Variants in LMBR1 observed in about 807,000 individuals in gnomAD.
The protein encoded by LMBR1 is limb development membrane protein 1.
LMBR1 carries 52 observed loss-of-function variants against 73.9 expected under a neutral mutation model. That is an observed-to-expected ratio of 0.70 (90% CI 0.56 to 0.89). LMBR1 has a LOEUF of 0.89. Among genes scored for constraint, LMBR1 ranks in the 40% least tolerant of loss-of-function variants. The pLI is 0.00. For missense variants in LMBR1, 539 were observed against 579.8 expected, an observed-to-expected ratio of 0.93 and a Z score of 0.72; for synonymous variants, 215 against 209.4, an observed-to-expected ratio of 1.03 and a Z score of -0.23.
intron 1 of LMBR1, among the ~76,000 whole-genome samples, chr7:156,882,703 T>C (rs75632519): frequency 0.02 from 3,032 of 152,216 alleles, 104 homozygotes; most frequent in African/African-American, 0.068. Flanking sequence ...CTGTGCAACA[T>C]TGTACCTATA....
chr7:156,710,458 C>A (rs942700205), intron 15 of LMBR1, among the ~76,000 whole-genome samples: 4 of 152,036 alleles, frequency 2.6e-5, no homozygotes, highest in African/African-American at 9.7e-5. Context: ...TTCAAATTAA[C>A]CCAACTGGAC....
At chr7:156,797,263 T>C (rs1336370643) in intron 4 of LMBR1, among the ~76,000 whole-genome samples, 1 of 152,184 alleles carries the variant, frequency 6.6e-6, no homozygotes, top group African/African-American at 2.4e-5. Flanking sequence ...GACAGAGCCC[T>C]GTTAGGTATG....
intron 4 of LMBR1, among the ~76,000 whole-genome samples, chr7:156,807,468 T>C (rs988318723): frequency 2.0e-5 from 3 of 152,220 alleles, no homozygotes; most frequent in African/African-American, 7.2e-5. Context: ...ATTTGTTGGA[T>C]AAAGGTGTTC....
chr7:156,864,850 G>C (rs1244501820), intron 1 of LMBR1, among the ~76,000 whole-genome samples: 1 of 152,002 alleles, frequency 6.6e-6, no homozygotes, highest in Non-Finnish European at 1.5e-5. Flanking sequence ...ACAAAAATTA[G>C]CCAGGCACGG....
chr7:156,719,105 G>A (rs1440943128), intron 15 of LMBR1, among the ~76,000 whole-genome samples: 1 of 151,174 alleles, frequency 6.6e-6, no homozygotes, highest in Non-Finnish European at 1.5e-5. Context: ...TTAGCATTAG[G>A]TATATCTCCT....
intron 1 of LMBR1, among the ~76,000 whole-genome samples, chr7:156,848,996 A>C (rs1045203184): frequency 1.3e-5 from 2 of 151,988 alleles, no homozygotes; most frequent in African/African-American, 2.4e-5. Context: ...CCAGCAATCC[A>C]ATTATTGGCT....
At chr7:156,866,776 G>GT (rs1224166444) in intron 1 of LMBR1, among the ~76,000 whole-genome samples, 1 of 151,930 alleles carries the variant, frequency 6.6e-6, no homozygotes, top group African/African-American at 2.4e-5. Flanking sequence ...GCTAAATTTT[G>GT]TATTTTTAGC....
intron 4 of LMBR1, among the ~76,000 whole-genome samples, chr7:156,813,327 TC>T (rs1363935821): frequency 6.6e-6 from 1 of 152,166 alleles, no homozygotes; most frequent in Admixed American, 6.5e-5. Flanking sequence ...TACCTATCTA[TC>T]CTAATGGATT....
chr7:156,835,143 AAAAC>A (rs1837388775), intron 2 of LMBR1, among the ~76,000 whole-genome samples: 1 of 152,062 alleles, frequency 6.6e-6, no homozygotes, highest in South Asian at 2.1e-4. Context: ...GTCTCAAAAC[AAAAC>A]AAAAAAAAGA....
intron 3 of LMBR1, among the ~76,000 whole-genome samples, chr7:156,831,354 T>C (rs946173611): frequency 2.0e-5 from 3 of 150,262 alleles, no homozygotes; most frequent in Non-Finnish European, 4.4e-5. Context: ...CTGTTTTACA[T>C]ACACAGAAAG....
intron 2 of LMBR1, 40 bp downstream of exon 2, chr7:156,836,773 G>C: frequency 7.8e-7 from 1 of 1,289,748 alleles, no homozygotes; most frequent in Non-Finnish European, 1.1e-6. Context: ...AGACCATGTG[G>C]CATTCTAACA....
chr7:156,676,241 GTGTGTATATATA>G (rs1803976450), downstream of LMBR1: 5 of 1,492,848 alleles, frequency 3.3e-6, no homozygotes, highest in Admixed American at 1.1e-4. Flanking sequence ...GAGTATATGT[GTGTGTATATATA>G]TATGTATATA....
chr7:156,781,070 T>C (rs890451920), intron 5 of LMBR1, among the ~76,000 whole-genome samples: 1 of 152,200 alleles, frequency 6.6e-6, no homozygotes, highest in African/African-American at 2.4e-5. Flanking sequence ...CAGAAGACCA[T>C]CTTAGCCAAT....
rs755466895 is a variant in LMBR1, at chr7:156,763,707, A to T, written c.512T>A (p.Leu171His). ...ILGIVWVASA[L>H]IDNDAASMES... The stretch of plus-strand genomic sequence containing the variant: ...CATGCTTGCGGCATCGTTGTCAATG[A>T]GTGCTGAAGCTACCCACACTATCCC... The change falls in exon 6 of 17, where the codon CTC becomes CAC. Residue 171 changes from leucine (L) to histidine (H), a missense_variant. By Grantham distance (99) the Leu-to-His change is moderately conservative. Coordinates refer to ENST00000353442, the MANE Select transcript of LMBR1 (RefSeq NM_022458.4). 1 of 1,596,992 alleles carries T rather than the reference A, an allele frequency of 6.3e-7. No individual in the cohort carries two copies. The highest frequency in any genetic ancestry group is 1.8e-5 in the Admixed American group (1 of 54,944).
rs112319328 is a variant in LMBR1, at chr7:156,860,749, A to T, written c.67-23864T>A. Among the ~76,000 whole-genome samples, 714 of 152,360 alleles carry T rather than the reference A, an allele frequency of 4.7e-3. 8 individuals carry two copies. Among genetic ancestry groups the T allele is most frequent in the African/African-American group, 0.017 (689 of 41,580 alleles). ...AGCCATTCTAAATGGGAGAAACTGG[A>T]CAAAACAAAGGGGCTACAGGCCCCA... On this transcript the variant is annotated intron_variant, in intron 1 of 16. Coordinates refer to ENST00000353442, the MANE Select transcript of LMBR1 (RefSeq NM_022458.4).
rs114295738 is a variant in LMBR1 at position 156,681,469 on chromosome 7, G to A, written c.*2609C>T. 537 of 155,642 alleles carry A rather than the reference G, an allele frequency of 3.5e-3. 6 individuals carry two copies. Among genetic ancestry groups the A allele is most frequent in the African/African-American group, 0.012 (501 of 41,590 alleles). The allele number at this position is 155,642 out of a possible 1,614,324, so 9.6% of individuals were successfully genotyped here. ...GCTACGTAAATAGTAAATCTAAGAA[G>A]TATCTTGGAAAATCAGTAAAAATTA... On this transcript the variant is annotated 3_prime_UTR_variant, in exon 17 of 17. Coordinates refer to ENST00000353442, the MANE Select transcript of LMBR1 (RefSeq NM_022458.4).
At chr7:156,827,262 G>C (rs1180392315) in intron 3 of LMBR1, among the ~76,000 whole-genome samples, 2 of 151,930 alleles carry the variant, frequency 1.3e-5, no homozygotes, top group Non-Finnish European at 2.9e-5. Context: ...ATAAATTATA[G>C]TAATAAAAAA....
intron 1 of LMBR1, among the ~76,000 whole-genome samples, chr7:156,865,882 T>C (rs931532915): frequency 4.6e-5 from 7 of 152,152 alleles, no homozygotes; most frequent in African/African-American, 1.7e-4. Flanking sequence ...TGGATATCCA[T>C]ATGCAAAAGA....
At chr7:156,740,671 G>A (rs572921949) in intron 9 of LMBR1, among the ~76,000 whole-genome samples, 2 of 152,248 alleles carry the variant, frequency 1.3e-5, no homozygotes, top group East Asian at 3.9e-4. Flanking sequence ...GCATGAAGGA[G>A]AAATAAAGAC....
Sources: allele counts gnomAD v4.1 joint callset (sites outside exome capture counted in the v4.1 genomes callset), GRCh38; gene constraint gnomAD v4.1.1; transcripts MANE v1.5; gene names NCBI Gene and HGNC (gene_info 2026-07-23, HGNC 2026-07-21).